The following GPC5 variants were observed in gnomAD, a reference collection of about 807,000 sequenced individuals.
GPC5 encodes glypican-5.
GPC5 carries 47 observed loss-of-function variants against 53.9 expected under a neutral mutation model. The observed-to-expected ratio is 0.87, with a 90% CI of 0.69 to 1.11. The LOEUF (loss-of-function observed/expected upper bound fraction) is 1.11, where lower values mean the gene tolerates loss of function less well. Ranked by LOEUF, GPC5 falls within the 50% of genes most tolerant of loss-of-function variation. GPC5 has a pLI of 0.00. For missense variants in GPC5, 748 were observed against 713.1 expected (o/e 1.05, Z -0.56); for synonymous variants, 286 against 263.3 (o/e 1.09, Z -0.84).
At chr13:91,488,586 A>C (rs904045065) in intron 2 of GPC5, among the ~76,000 whole-genome samples, 1 of 152,210 alleles carries the variant, frequency 6.6e-6, no homozygotes, top group Non-Finnish European at 1.5e-5. Context: ...TTTCATGGAC[A>C]CTTACCACTT....
At chr13:91,963,942 T>C (rs927475339) in intron 6 of GPC5, among the ~76,000 whole-genome samples, 2 of 152,192 alleles carry the variant, frequency 1.3e-5, no homozygotes, top group Non-Finnish European at 2.9e-5. Context: ...TCAACCATTG[T>C]GGAAGACAGT....
chr13:91,734,804 G>T (rs2036779156), intron 4 of GPC5, among the ~76,000 whole-genome samples: 1 of 150,898 alleles, frequency 6.6e-6, no homozygotes, highest in Admixed American at 6.6e-5. Flanking sequence ...TCCCATTCTT[G>T]TTTCATGGAT....
At chr13:91,647,840 C>G (rs59356035) in intron 2 of GPC5, among the ~76,000 whole-genome samples, 9,889 of 152,228 alleles carry the variant, frequency 0.065, 1,086 homozygotes, top group African/African-American at 0.23. Flanking sequence ...ATTAGTCATT[C>G]CCATCTTGGC....
intron 7 of GPC5, among the ~76,000 whole-genome samples, chr13:92,309,302 A>G (rs1004504832): frequency 2.6e-5 from 4 of 152,116 alleles, no homozygotes; most frequent in Non-Finnish European, 5.9e-5. Context: ...TCAGTCCTGA[A>G]ATATGTATAA....
chr13:91,420,717 G>T (rs990118814), intron 1 of GPC5, among the ~76,000 whole-genome samples: 1 of 152,154 alleles, frequency 6.6e-6, no homozygotes, highest in South Asian at 2.1e-4. Context: ...GATGGTGGGG[G>T]CGGTTCCCCC....
At chr13:91,643,305 T>C (rs9556107) in intron 2 of GPC5, among the ~76,000 whole-genome samples, 95,636 of 151,954 alleles carry the variant, frequency 0.63, 30,649 homozygotes, top group East Asian at 0.8. Context: ...GAGCACAAGT[T>C]CTGTAAGATA....
At chr13:91,696,863 A>G (rs2035889497) in intron 3 of GPC5, among the ~76,000 whole-genome samples, 1 of 152,212 alleles carries the variant, frequency 6.6e-6, no homozygotes, top group Non-Finnish European at 1.5e-5. Context: ...TAAAGAAGAG[A>G]GGTAACAAAG....
At chr13:91,909,691 T>A (rs1488344792) in intron 6 of GPC5, among the ~76,000 whole-genome samples, 3 of 152,112 alleles carry the variant, frequency 2.0e-5, no homozygotes, top group Non-Finnish European at 4.4e-5. Context: ...ATAAAGATGG[T>A]GCTGTTCCAT....
intron 7 of GPC5, among the ~76,000 whole-genome samples, chr13:92,593,340 G>T (rs1191892329): frequency 2.6e-5 from 4 of 151,122 alleles, no homozygotes; most frequent in Admixed American, 6.6e-5. Context: ...CTGCTGATGA[G>T]ATGCGTATGT....
At chr13:92,835,915 T>C (rs1363748054) in intron 7 of GPC5, among the ~76,000 whole-genome samples, 6 of 152,098 alleles carry the variant, frequency 3.9e-5, no homozygotes, top group Non-Finnish European at 7.4e-5. Context: ...TAACTAATTT[T>C]CACTTCCCTA....
intron 7 of GPC5, among the ~76,000 whole-genome samples, chr13:92,264,669 T>G (rs1594048793): frequency 6.6e-6 from 1 of 152,152 alleles, no homozygotes; most frequent in African/African-American, 2.4e-5. Flanking sequence ...TGTCTAGTTT[T>G]TTTTTTTTCT....
At chr13:92,393,525 T>C (rs1875121689) in intron 7 of GPC5, among the ~76,000 whole-genome samples, 1 of 152,180 alleles carries the variant, frequency 6.6e-6, no homozygotes, top group Non-Finnish European at 1.5e-5. Flanking sequence ...GGTTCACTCC[T>C]GTAATCCCAG....
intron 1 of GPC5, among the ~76,000 whole-genome samples, chr13:91,405,556 G>A (rs1192930964): frequency 6.6e-6 from 1 of 152,148 alleles, no homozygotes; most frequent in Non-Finnish European, 1.5e-5. Context: ...TTATTATGGT[G>A]GAATCCTTTT....
At chr13:91,819,306 C>A (rs564010936) in intron 5 of GPC5, among the ~76,000 whole-genome samples, 1 of 151,630 alleles carries the variant, frequency 6.6e-6, no homozygotes, top group South Asian at 2.1e-4. Context: ...ATTACAGGTG[C>A]CTGCCATCAC....
intron 7 of GPC5, among the ~76,000 whole-genome samples, chr13:92,771,436 C>T (rs1197851970): frequency 6.6e-6 from 1 of 152,082 alleles, no homozygotes; most frequent in Non-Finnish European, 1.5e-5. Context: ...TCCGCCCCTC[C>T]AGGTTTAAGC....
chr13:92,044,519 T>C (rs886270119), intron 6 of GPC5, among the ~76,000 whole-genome samples: 1 of 152,226 alleles, frequency 6.6e-6, no homozygotes, highest in Non-Finnish European at 1.5e-5. Context: ...CTAACGTATG[T>C]GTTTTACTTT....
chr13:92,047,442 A>ATATT (rs765582257), intron 6 of GPC5, among the ~76,000 whole-genome samples: 27 of 99,886 alleles, frequency 2.7e-4, no homozygotes, highest in Non-Finnish European at 4.3e-4. Flanking sequence ...ATATATATAT[A>ATATT]TTTTTTTTTC....
intron 3 of GPC5, among the ~76,000 whole-genome samples, chr13:91,717,154 G>GA (rs1278441027): frequency 6.6e-5 from 10 of 152,024 alleles, no homozygotes; most frequent in South Asian, 6.2e-4. Context: ...CAGGCAAGGA[G>GA]AAAAAAAGAA....
intron 7 of GPC5, among the ~76,000 whole-genome samples, chr13:92,377,018 T>TA (rs112698533): frequency 0.11 from 13,660 of 126,110 alleles, 1,214 homozygotes; most frequent in African/African-American, 0.27. Context: ...CCATCTCAAA[T>TA]AAAAAAAAAA....
Sources: allele counts gnomAD v4.1 joint callset (sites outside exome capture counted in the v4.1 genomes callset), GRCh38; gene constraint gnomAD v4.1.1; transcripts MANE v1.5; gene names NCBI Gene and HGNC (gene_info 2026-07-23, HGNC 2026-07-21).